The following PCDH11X variants were observed in gnomAD, a reference collection of about 807,000 sequenced individuals.
PCDH11X encodes protocadherin 11 X-linked.
In PCDH11X, 18 loss-of-function variants were observed where a neutral mutation model predicts 53.3. That is an observed-to-expected ratio of 0.34 (90% CI 0.23 to 0.50). The LOEUF is 0.50. Among genes scored for constraint, PCDH11X ranks in the 20% least tolerant of loss-of-function variants. PCDH11X has a pLI of 0.98. For missense variants in PCDH11X, 570 were observed against 1,032.4 expected, an observed-to-expected ratio of 0.55 and a Z score of 6.14; for synonymous variants, 279 against 393.3, an observed-to-expected ratio of 0.71 and a Z score of 3.44.
intron 10 of PCDH11X, among the ~76,000 whole-genome samples, chrX:92,587,613 T>G (rs1924534342): frequency 9.0e-6 from 1 of 111,196 alleles, no homozygotes; most frequent in South Asian, 3.8e-4. Context: ...AATTATGCTC[T>G]GACAGTGATC....
chrX:91,824,864 C>T (rs919589876), intron 4 of PCDH11X, among the ~76,000 whole-genome samples: 1 of 107,363 alleles, frequency 9.3e-6, no homozygotes, highest in Non-Finnish European at 1.9e-5. Context: ...GTGTGGATGT[C>T]CTTTCTGTTT....
chrX:91,837,955 G>A (rs1286004124), intron 5 of PCDH11X, among the ~76,000 whole-genome samples: 2 of 111,573 alleles, frequency 1.8e-5, no homozygotes, highest in Non-Finnish European at 3.8e-5. Flanking sequence ...GCACAGCACA[G>A]CCTAAACAAA....
intron 9 of PCDH11X, among the ~76,000 whole-genome samples, chrX:92,412,971 A>G (rs1271442433): frequency 1.9e-5 from 2 of 104,415 alleles, no homozygotes; most frequent in Non-Finnish European, 3.9e-5. Context: ...TTTTGACAGC[A>G]TGTATAATTT....
intron 6 of PCDH11X, among the ~76,000 whole-genome samples, chrX:92,181,536 G>A (rs1344868218): frequency 8.9e-6 from 1 of 111,741 alleles, no homozygotes; most frequent in East Asian, 2.8e-4. Context: ...GGCACATCAA[G>A]GACCTTTGCA....
At chrX:92,435,614 T>C (rs775535837) in intron 9 of PCDH11X, among the ~76,000 whole-genome samples, 2 of 111,449 alleles carry the variant, frequency 1.8e-5, no homozygotes, top group Non-Finnish European at 3.8e-5. Flanking sequence ...CCAGAAGAGA[T>C]TGGGGGCCTA....
intron 8 of PCDH11X, among the ~76,000 whole-genome samples, chrX:92,360,323 A>C (rs2070314722): frequency 9.0e-6 from 1 of 111,313 alleles, no homozygotes; most frequent in Non-Finnish European, 1.9e-5. Context: ...CTTACATTTA[A>C]AAATCATTTT....
chrX:92,129,350 C>T (rs1159236954), intron 6 of PCDH11X, among the ~76,000 whole-genome samples: 7 of 111,456 alleles, frequency 6.3e-5, no homozygotes. Flanking sequence ...GAGATCGTGC[C>T]ATTGCACTAC....
At chrX:92,552,475 G>A (rs1185030304) in intron 10 of PCDH11X, among the ~76,000 whole-genome samples, 1 of 104,081 alleles carries the variant, frequency 9.6e-6, no homozygotes, top group African/African-American at 3.5e-5. Context: ...GATCATATCA[G>A]CTATAAACAA....
chrX:91,933,746 A>G (rs1333903158), intron 6 of PCDH11X, among the ~76,000 whole-genome samples: 1 of 111,469 alleles, frequency 9.0e-6, no homozygotes, highest in Non-Finnish European at 1.9e-5. Flanking sequence ...GTCAGTGAAT[A>G]ACTATTGCTA....
At chrX:92,511,049 A>G (rs1224466613) in intron 10 of PCDH11X, among the ~76,000 whole-genome samples, 1 of 111,621 alleles carries the variant, frequency 9.0e-6, no homozygotes, top group Non-Finnish European at 1.9e-5. Flanking sequence ...ATTTAGGAAT[A>G]GAAAAGGATG....
intron 10 of PCDH11X, among the ~76,000 whole-genome samples, chrX:92,527,750 A>G (rs1340678412): frequency 8.9e-6 from 1 of 112,102 alleles, no homozygotes; most frequent in Non-Finnish European, 1.9e-5. Flanking sequence ...GGGATCTAAC[A>G]TAATTGAGTA....
intron 7 of PCDH11X, among the ~76,000 whole-genome samples, chrX:92,250,253 G>A (rs1234900108): frequency 9.0e-6 from 1 of 110,986 alleles, no homozygotes; most frequent in African/African-American, 3.3e-5. Context: ...GATAGGAATA[G>A]TTAGTTTTGA....
At chrX:91,910,177 T>C (rs1569437728) in intron 6 of PCDH11X, among the ~76,000 whole-genome samples, 1 of 107,120 alleles carries the variant, frequency 9.3e-6, no homozygotes, top group Non-Finnish European at 1.9e-5. Context: ...CTGAAAGGAT[T>C]GCTAATAAGC....
At chrX:92,042,025 T>A (rs2063217451) in intron 6 of PCDH11X, among the ~76,000 whole-genome samples, 1 of 112,213 alleles carries the variant, frequency 8.9e-6, no homozygotes, top group African/African-American at 3.2e-5. Context: ...AGACATGGGA[T>A]TATTGATAAA....
intron 7 of PCDH11X, among the ~76,000 whole-genome samples, chrX:92,256,031 GC>G (rs2067572915): frequency 8.9e-6 from 1 of 112,081 alleles, no homozygotes. Flanking sequence ...CCCTCCCCCA[GC>G]CTCGCTGCCG....
At chrX:92,136,073 A>G (rs1465001129) in intron 6 of PCDH11X, among the ~76,000 whole-genome samples, 1 of 111,450 alleles carries the variant, frequency 9.0e-6, no homozygotes, top group Non-Finnish European at 1.9e-5. Flanking sequence ...AGGAAGTCTT[A>G]TGTGTTCAAA....
chrX:92,321,824 C>A (rs1352162328), intron 8 of PCDH11X, among the ~76,000 whole-genome samples: 1 of 110,831 alleles, frequency 9.0e-6, no homozygotes, highest in South Asian at 3.9e-4. Context: ...TTCTGGGGTA[C>A]CCTTGGCCAA....
intron 9 of PCDH11X, among the ~76,000 whole-genome samples, chrX:92,392,680 A>G (rs1308004702): frequency 9.0e-6 from 1 of 110,845 alleles, no homozygotes; most frequent in Non-Finnish European, 1.9e-5. Flanking sequence ...AAAAATCAAA[A>G]CCAAAAACTG....
At chrX:92,428,133 A>G (rs2072167419) in intron 9 of PCDH11X, among the ~76,000 whole-genome samples, 1 of 106,588 alleles carries the variant, frequency 9.4e-6, no homozygotes, top group African/African-American at 3.4e-5. Flanking sequence ...GAATCATAAT[A>G]AAACTCTTGC....
Sources: gnomAD v4.1 joint callset for allele counts (sites outside exome capture counted in the v4.1 genomes callset) on GRCh38, gnomAD v4.1.1 for gene constraint, MANE v1.5 for transcripts, NCBI Gene and HGNC (gene_info 2026-07-23, HGNC 2026-07-21) for gene names.